The following SPOPL variants were observed in gnomAD, a reference collection of about 807,000 sequenced individuals.
The protein encoded by SPOPL is speckle-type POZ protein-like.
A neutral mutation model predicts 53.8 loss-of-function variants in SPOPL; 23 were observed. That is an observed-to-expected ratio of 0.43 (90% CI 0.31 to 0.61). The LOEUF (loss-of-function observed/expected upper bound fraction) is 0.61, where lower values mean the gene tolerates loss of function less well. Among genes scored for constraint, SPOPL ranks in the 20% least tolerant of loss-of-function variants. The pLI is 0.12. For missense variants in SPOPL, 442 were observed against 466.9 expected (o/e 0.95, Z 0.49); for synonymous variants, 164 against 149.7 (o/e 1.10, Z -0.70).
rs1182603526 is a variant in SPOPL at position 138,569,992 on chromosome 2, ATAAT to A, written c.*918_*921del. 31 of 152,712 alleles carry A rather than the reference ATAAT, an allele frequency of 2.0e-4. 2 individuals carry two copies. The East Asian group carries it at 5.8e-3, about 28-fold the overall frequency. 9.5% of individuals were successfully genotyped at this position (152,712 alleles called of 1,614,324 possible). A position where few individuals can be genotyped will look rare whatever the true frequency, so the allele number is the denominator to read the frequency against. ...TTGCTTTTGAGGGAATTAATAAGGT[ATAAT>A]TAATTGTGTCTTAACTTTTCAAAGA... On this transcript the variant is annotated 3_prime_UTR_variant, in exon 11 of 11. Coordinates refer to ENST00000280098, the MANE Select transcript of SPOPL (RefSeq NM_001001664.3).
chr2:138,505,445 T>C (rs1299646048), intron 1 of SPOPL, among the ~76,000 whole-genome samples: 1 of 150,278 alleles, frequency 6.7e-6, no homozygotes, highest in African/African-American at 2.5e-5. Flanking sequence ...GAAGTCTGTT[T>C]GGGGAATAAA....
intron 1 of SPOPL, among the ~76,000 whole-genome samples, chr2:138,529,528 GTGTGTGTT>G (rs1476611307): frequency 1.5e-4 from 15 of 101,258 alleles, no homozygotes; most frequent in Middle Eastern, 6.2e-3. Context: ...GTGTGTGTGT[GTGTGTGTT>G]TGCGTGCGCG....
At chr2:138,541,495 C>T (rs988393587) in intron 1 of SPOPL, among the ~76,000 whole-genome samples, 6 of 152,108 alleles carry the variant, frequency 3.9e-5, no homozygotes, top group African/African-American at 1.2e-4. Flanking sequence ...TTGAGGAATT[C>T]ATCCATTTCT....
At position 138,520,213 on chromosome 2, in the gene SPOPL, A is replaced by G. The variant is rs147384148; in HGVS notation, c.-61+18094A>G. Among the ~76,000 whole-genome samples the G allele has an allele frequency of 1.8e-3, 281 of 152,324 alleles. 9 individuals are homozygous for G. The East Asian group carries it at 0.035, about 19-fold the overall frequency. ...ATGTTTTATAAAAGACTAATTATGC[A>G]TAGGTAATTTCTGATTCCTTCTGTC... On this transcript the variant is annotated intron_variant, in intron 1 of 10. Coordinates refer to ENST00000280098, the MANE Select transcript of SPOPL (RefSeq NM_001001664.3).
At chr2:138,507,365 T>C (rs1056448617) in intron 1 of SPOPL, among the ~76,000 whole-genome samples, 2 of 152,242 alleles carry the variant, frequency 1.3e-5, no homozygotes, top group African/African-American at 2.4e-5. Context: ...CACTGAATGC[T>C]AGACTTCTAG....
At chr2:138,546,736 G>A (rs890703874) in intron 1 of SPOPL, among the ~76,000 whole-genome samples, 3 of 151,916 alleles carry the variant, frequency 2.0e-5, no homozygotes, top group African/African-American at 7.3e-5. Context: ...TTACTTTAAA[G>A]TAAGCTTTCT....
At chr2:138,560,948 G>T in intron 8 of SPOPL, 21 bp downstream of exon 8, 1 of 1,596,508 alleles carries the variant, frequency 6.3e-7, no homozygotes, top group South Asian at 1.2e-5. Flanking sequence ...AGGTCTTAAG[G>T]AACCAAAATA....
chr2:138,541,473 A>G (rs1685070371), intron 1 of SPOPL, among the ~76,000 whole-genome samples: 1 of 152,090 alleles, frequency 6.6e-6, no homozygotes, highest in Non-Finnish European at 1.5e-5. Flanking sequence ...TAGTCTTGGG[A>G]GGGTGTATGT....
intron 1 of SPOPL, among the ~76,000 whole-genome samples, chr2:138,508,520 G>A (rs1375754735): frequency 6.6e-6 from 1 of 151,962 alleles, no homozygotes; most frequent in South Asian, 2.1e-4. Flanking sequence ...TAGTAGAGAT[G>A]GGGTTTCACC....
chr2:138,508,215 A>G (rs1684255856), intron 1 of SPOPL, among the ~76,000 whole-genome samples: 1 of 152,236 alleles, frequency 6.6e-6, no homozygotes, highest in Non-Finnish European at 1.5e-5. Flanking sequence ...ATAGACATGG[A>G]TAAACTTTTT....
At position 138,559,112 on chromosome 2, in the gene SPOPL, G is replaced by T; in HGVS notation, c.571G>T (p.Gly191Cys). 8 of 1,613,748 alleles carry T rather than the reference G, an allele frequency of 5.0e-6. No individual in the cohort carries two copies. The highest frequency in any genetic ancestry group is 6.8e-6 in the Non-Finnish European group (8 of 1,179,824). ...VPECRLAEDL[G>C]NLWENTRFTD... ...TGAGTGTCGTCTAGCAGAAGATTTA[G>T]GTAATCTCTGGGAAAACACAAGATT... Residue 191 changes from glycine to cysteine, a missense_variant, in exon 6 of 11, where the codon GGT becomes TGT. Physicochemically the swap from Gly to Cys is radical, Grantham distance 159. Coordinates refer to ENST00000280098, the MANE Select transcript of SPOPL (RefSeq NM_001001664.3).
In SPOPL at chr2:138,563,829, G is replaced by A. The variant is rs192473115; in HGVS notation, c.838-879G>A. On this transcript the variant is annotated intron_variant, in intron 8 of 10. Coordinates refer to ENST00000280098, the MANE Select transcript of SPOPL (RefSeq NM_001001664.3). ...TACAGACACTTGTATATGACTAACA[G>A]CTTCATTTGTAACAGCCAAGAACTG... Among the ~76,000 whole-genome samples the A allele has an allele frequency of 3.3e-5, 5 of 152,282 alleles. No individual in the cohort carries two copies. The East Asian group carries it at 9.6e-4, about 29-fold the overall frequency.
In SPOPL at chr2:138,572,731, A is replaced by G. The variant is rs962141929; in HGVS notation, c.*3651A>G. The G allele has an allele frequency of 2.0e-5, 3 of 152,624 alleles. No individual in the cohort carries two copies. Among genetic ancestry groups the G allele is most frequent in the Non-Finnish European group, 4.4e-5 (3 of 68,018 alleles). 9.5% of individuals were successfully genotyped at this position (152,624 alleles called of 1,614,324 possible). Reference sequence around the variant, plus strand: ...AAAGTGTATTTTACAAACCTTTTTTATACAAATTAATGAGCTCTACTTTAT... The same window carrying G: ...AAAGTGTATTTTACAAACCTTTTTTGTACAAATTAATGAGCTCTACTTTAT... On this transcript the variant is annotated 3_prime_UTR_variant, in exon 11 of 11. Transcript: ENST00000280098.
intron 1 of SPOPL, among the ~76,000 whole-genome samples, chr2:138,503,990 T>G (rs143136100): frequency 2.6e-5 from 4 of 152,326 alleles, no homozygotes; most frequent in African/African-American, 9.6e-5. Context: ...TAAAAAATGC[T>G]GACAGTTTTT....
rs746625053 is a variant in SPOPL, at chr2:138,559,031, G to A, written c.490G>A (p.Val164Ile). The change falls in exon 6 of 11, where the codon GTC (valine) becomes ATC (isoleucine). Residue 164 changes from valine to isoleucine, a missense_variant. Transcript: ENST00000280098. ...KLTLFCEVSV[V>I]QDSVNISGHT... ...GTCCCTTTTTTATTAGGTGAGTGTGGTCCAAGATTCAGTAAACATATCAGG... is the reference window on the plus strand; with the variant it reads ...GTCCCTTTTTTATTAGGTGAGTGTGATCCAAGATTCAGTAAACATATCAGG... 7.5e-6 allele frequency: 12 copies of A among 1,598,276 alleles called. No individual in the cohort carries two copies. The highest frequency in any genetic ancestry group is 1.0e-5 in the Non-Finnish European group (12 of 1,174,986).
At chr2:138,549,816 A>G (rs1359930622) in intron 1 of SPOPL, among the ~76,000 whole-genome samples, 1 of 152,126 alleles carries the variant, frequency 6.6e-6, no homozygotes, top group Admixed American at 6.6e-5. Flanking sequence ...GTGAAGGAGG[A>G]TGAACCAGAT....
chr2:138,565,583 A>G (rs988887903), intron 10 of SPOPL, among the ~76,000 whole-genome samples: 1 of 151,902 alleles, frequency 6.6e-6, no homozygotes, highest in Admixed American at 6.6e-5. Flanking sequence ...CTTACTTTTC[A>G]TGACTTTTAT....
At chr2:138,553,049 A>G (rs1178504124) in intron 5 of SPOPL, among the ~76,000 whole-genome samples, 1 of 152,094 alleles carries the variant, frequency 6.6e-6, no homozygotes, top group Non-Finnish European at 1.5e-5. Flanking sequence ...ATTGTATTAA[A>G]CATTATTACT....
At chr2:138,524,434 A>G (rs1282083248) in intron 1 of SPOPL, among the ~76,000 whole-genome samples, 2 of 152,014 alleles carry the variant, frequency 1.3e-5, no homozygotes, top group Non-Finnish European at 2.9e-5. Flanking sequence ...TTAACATTTG[A>G]CTCCTCATTA....
Sources: gnomAD v4.1 joint callset for allele counts (sites outside exome capture counted in the v4.1 genomes callset) on GRCh38, gnomAD v4.1.1 for gene constraint, MANE v1.5 for transcripts, NCBI Gene and HGNC (gene_info 2026-07-23, HGNC 2026-07-21) for gene names.